LRRC4C: variants seen among roughly 807,000 people sequenced by gnomAD.
LRRC4C encodes leucine-rich repeat-containing protein 4C.
A neutral mutation model predicts 33.6 loss-of-function variants in LRRC4C; 5 were observed. That is an observed-to-expected ratio of 0.15 (90% confidence interval 0.08 to 0.31). The LOEUF is 0.31. Ranked by LOEUF, LRRC4C falls within the 10% of genes least tolerant of loss-of-function variation. The pLI is 1.00. For missense variants in LRRC4C, 560 were observed against 796.7 expected (o/e 0.70, Z 3.58); for synonymous variants, 329 against 302.0 (o/e 1.09, Z -0.93).
chr11:41,090,153 A>G (rs1940302467), intron 1 of LRRC4C, among the ~76,000 whole-genome samples: 2 of 152,162 alleles, frequency 1.3e-5, no homozygotes, highest in African/African-American at 4.8e-5. Context: ...TTTGCAATAT[A>G]TCATTAAGTG....
At chr11:40,851,008 C>T (rs1449333065) in intron 2 of LRRC4C, among the ~76,000 whole-genome samples, 1 of 152,188 alleles carries the variant, frequency 6.6e-6, no homozygotes, top group Non-Finnish European at 1.5e-5. Flanking sequence ...GGGTGGACTT[C>T]ACACTGCTGT....
At chr11:40,775,733 T>G (rs1032932033) in intron 2 of LRRC4C, among the ~76,000 whole-genome samples, 2 of 152,220 alleles carry the variant, frequency 1.3e-5, no homozygotes, top group African/African-American at 4.8e-5. Flanking sequence ...AGAGAGAATT[T>G]GACTTTTGCT....
intron 3 of LRRC4C, among the ~76,000 whole-genome samples, chr11:40,509,133 T>C (rs956910053): frequency 5.3e-5 from 8 of 152,092 alleles, no homozygotes; most frequent in Non-Finnish European, 7.4e-5. Context: ...AGATAGCAAA[T>C]TGGAAATGAT....
chr11:40,865,836 A>G (rs1954337558), intron 2 of LRRC4C, among the ~76,000 whole-genome samples: 1 of 152,058 alleles, frequency 6.6e-6, no homozygotes, highest in African/African-American at 2.4e-5. Context: ...TAGAAAGGAA[A>G]AATAAGAGAA....
At chr11:41,058,336 A>G (rs1478867819) in intron 1 of LRRC4C, among the ~76,000 whole-genome samples, 1 of 152,194 alleles carries the variant, frequency 6.6e-6, no homozygotes, top group Non-Finnish European at 1.5e-5. Flanking sequence ...GCCAGTGCCC[A>G]TGCCAGCACC....
chr11:40,776,343 T>A (rs1949994961), intron 2 of LRRC4C, among the ~76,000 whole-genome samples: 2 of 152,060 alleles, frequency 1.3e-5, no homozygotes, highest in South Asian at 4.1e-4. Context: ...AGAATTCAGC[T>A]GTGAATCCAT....
At chr11:41,281,084 TC>T (rs1949659809) in intron 1 of LRRC4C, among the ~76,000 whole-genome samples, 2 of 95,630 alleles carry the variant, frequency 2.1e-5, no homozygotes, top group African/African-American at 6.9e-5. Context: ...CTGTCCTCTC[TC>T]TCTCTCTCTC....
intron 1 of LRRC4C, among the ~76,000 whole-genome samples, chr11:41,016,801 A>AT (rs993336412): frequency 6.6e-6 from 1 of 152,060 alleles, no homozygotes; most frequent in African/African-American, 2.4e-5. Flanking sequence ...CCAGAATTAC[A>AT]TTTTTTGTCC....
At chr11:40,794,802 C>G (rs750080224) in intron 2 of LRRC4C, among the ~76,000 whole-genome samples, 1 of 151,396 alleles carries the variant, frequency 6.6e-6, no homozygotes, top group South Asian at 2.1e-4. Flanking sequence ...GATCACGACT[C>G]AAAGTCCGTA....
At chr11:40,560,860 A>C (rs1957520239) in intron 3 of LRRC4C, among the ~76,000 whole-genome samples, 1 of 152,182 alleles carries the variant, frequency 6.6e-6, no homozygotes, top group Non-Finnish European at 1.5e-5. Flanking sequence ...AAGCCACATA[A>C]TCCTCTGAGC....
At chr11:40,918,532 T>C (rs1381459474) in intron 2 of LRRC4C, among the ~76,000 whole-genome samples, 7 of 152,088 alleles carry the variant, frequency 4.6e-5, no homozygotes, top group Non-Finnish European at 1.0e-4. Flanking sequence ...TCATGCCCTT[T>C]TTTAGCAACC....
chr11:41,338,832 T>C (rs930793339), intron 1 of LRRC4C, among the ~76,000 whole-genome samples: 1 of 151,582 alleles, frequency 6.6e-6, no homozygotes, highest in Admixed American at 6.6e-5. Flanking sequence ...TCCTACTCTC[T>C]AAAAAAAAAT....
intron 3 of LRRC4C, among the ~76,000 whole-genome samples, chr11:40,467,322 T>A (rs865928878): frequency 3.3e-5 from 5 of 152,114 alleles, no homozygotes; most frequent in African/African-American, 7.2e-5. Flanking sequence ...TTTCTTTTTT[T>A]AAAAAAATCA....
At chr11:40,920,945 G>C (rs1346587614) in intron 2 of LRRC4C, among the ~76,000 whole-genome samples, 1 of 146,864 alleles carries the variant, frequency 6.8e-6, no homozygotes, top group East Asian at 2.0e-4. Flanking sequence ...TTTTGAGATA[G>C]GGTCTTGCTC....
At chr11:40,887,500 T>C (rs540000820) in intron 2 of LRRC4C, among the ~76,000 whole-genome samples, 1 of 152,146 alleles carries the variant, frequency 6.6e-6, no homozygotes, top group Non-Finnish European at 1.5e-5. Flanking sequence ...TACTAAGTAT[T>C]TGAGGTACAG....
At chr11:40,871,932 C>A (rs968009162) in intron 2 of LRRC4C, among the ~76,000 whole-genome samples, 10 of 152,074 alleles carry the variant, frequency 6.6e-5, no homozygotes, top group African/African-American at 2.4e-4. Context: ...ATGTGCCTTC[C>A]ATCTGAAGAA....
intron 3 of LRRC4C, among the ~76,000 whole-genome samples, chr11:40,615,222 G>A (rs554609630): frequency 6.8e-4 from 78 of 114,362 alleles, no homozygotes; most frequent in African/African-American, 2.7e-3. Flanking sequence ...GCAATCACTC[G>A]ATGCATTGAT....
intron 2 of LRRC4C, among the ~76,000 whole-genome samples, chr11:40,847,781 CTTTTTTT>C (rs34141578): frequency 9.1e-6 from 1 of 109,688 alleles, no homozygotes; most frequent in African/African-American, 3.3e-5. Flanking sequence ...TGGTCCTGGG[CTTTTTTT>C]TTTTTTTTTT....
chr11:40,455,104 A>G (rs1320460196), intron 3 of LRRC4C, among the ~76,000 whole-genome samples: 1 of 152,210 alleles, frequency 6.6e-6, no homozygotes, highest in Non-Finnish European at 1.5e-5. Context: ...TCCACACTTG[A>G]AAAGAGTAAG....
Sources: gnomAD v4.1 joint callset for allele counts (sites outside exome capture counted in the v4.1 genomes callset) on GRCh38, gnomAD v4.1.1 for gene constraint, MANE v1.5 for transcripts, NCBI Gene and HGNC (gene_info 2026-07-23, HGNC 2026-07-21) for gene names.